MFSD12: variants seen among roughly 807,000 people sequenced by gnomAD.
MFSD12 encodes major facilitator superfamily domain containing 12.
A neutral mutation model predicts 51.2 loss-of-function variants in MFSD12; 67 were observed. The ratio of observed to expected loss-of-function variants is 1.31; its 90% confidence interval spans 1.08 to 1.60. The LOEUF (loss-of-function observed/expected upper bound fraction) is 1.60. Among genes scored for constraint, MFSD12 ranks in the 40% most tolerant of loss-of-function variants. The pLI, the probability that MFSD12 is intolerant of heterozygous loss-of-function variation, is 0.00. For missense variants in MFSD12, 921 were observed against 673.0 expected (o/e 1.37, Z -4.08); for synonymous variants, 441 against 316.7 (o/e 1.39, Z -4.17).
intron 1 of MFSD12, among the ~76,000 whole-genome samples, chr19:3,555,199 C>T (rs889944927): frequency 8.5e-5 from 13 of 152,164 alleles, no homozygotes; most frequent in South Asian, 4.1e-4. Context: ...GCCTCTGCCT[C>T]CCGGGTTCAA....
chr19:3,543,665 C>A (rs754300947), downstream of MFSD12: 23 of 1,540,322 alleles, frequency 1.5e-5, no homozygotes, highest in Middle Eastern at 6.5e-4. Context: ...CAGGCCAATC[C>A]GGGGCAAGGA....
chr19:3,551,705 C>T lies in MFSD12; in HGVS notation c.299-511G>A, dbSNP rs559659708. Among the ~76,000 whole-genome samples the T allele has an allele frequency of 7.2e-5, 11 of 152,274 alleles. No individual in the cohort carries two copies. The highest frequency in any genetic ancestry group is 2.6e-4 in the African/African-American group (11 of 41,558). On this transcript the variant is annotated intron_variant, in intron 1 of 9. Coordinates refer to ENST00000355415, the MANE Select transcript of MFSD12 (RefSeq NM_174983.5). The surrounding 1 kb of genome is among the most constrained non-coding windows in gnomAD (Gnocchi z 4.6). The stretch of plus-strand genomic sequence containing the variant: ...CCACCTGAGATCTGCGGTGGCAAGG[C>T]CTGGCTCTTCACATCCTCAGAAGAA...
At chr19:3,543,888 T>G (rs1187479337), downstream of MFSD12, 2 of 1,550,524 alleles carry the variant, frequency 1.3e-6, no homozygotes, top group Non-Finnish European at 1.7e-6. Flanking sequence ...CTACGTGCCC[T>G]CCCTGTCGGC....
chr19:3,546,069 C>T lies in MFSD12; in HGVS notation c.1289+5G>A. On this transcript the variant is annotated splice_donor_5th_base_variant and intron_variant, in intron 8 of 9. Coordinates refer to ENST00000355415, the MANE Select transcript of MFSD12 (RefSeq NM_174983.5). ...AAGAATGAATGAACGAACAGCGGCA[C>T]TCACGGGCAAGGGTGCAGGCTCTGG... 4 of 1,613,162 alleles carry T rather than the reference C, an allele frequency of 2.5e-6. No individual in the cohort carries two copies. The highest frequency in any genetic ancestry group is 3.4e-6 in the Non-Finnish European group (4 of 1,179,782).
In MFSD12 at chr19:3,557,130, G is replaced by C. The variant is rs2145231105; in HGVS notation, c.274C>G (p.Pro92Ala). 6.6e-7 allele frequency: 1 copy of C among 1,504,594 alleles called. No individual in the cohort carries two copies. The highest frequency in any genetic ancestry group is 2.3e-4 in the Middle Eastern group (1 of 4,438). The allele number at this position is 1,504,594 out of a possible 1,614,324, so 93.2% of individuals were successfully genotyped here. Residue 92 changes from proline (P) to alanine (A), a missense_variant, in exon 1 of 10, where the codon CCG becomes GCG. By Grantham distance (27) the Pro-to-Ala change is conservative (BLOSUM62 -1). Transcript: ENST00000355415. ...CCGACCAGGTGCCAGGCCTTGCGCG[G>C]GCCGTAGCGGGCGCAGCAGCTGGCG... ...RAASCCARYG[P>A]RKAWHLVGTV...
rs1450587437 is a variant in MFSD12 at position 3,544,295 on chromosome 19, C to G, written c.*415G>C. 10 of 1,284,346 alleles carry G rather than the reference C, an allele frequency of 7.8e-6. No individual in the cohort carries two copies. In the East Asian group the frequency reaches 2.1e-4, roughly 28 times the overall value. The allele number at this position is 1,284,346 out of a possible 1,614,324, so 79.6% of individuals were successfully genotyped here. A position where few individuals can be genotyped will look rare whatever the true frequency, so the allele number is the denominator to read the frequency against. ...TGGGGTCCAGGCCCAGCCCACCACC[C>G]CGTGGCTGTCTCCTCCAGGCTCCAG... On this transcript the variant is annotated 3_prime_UTR_variant, in exon 10 of 10. Coordinates refer to ENST00000355415, the MANE Select transcript of MFSD12 (RefSeq NM_174983.5).
In MFSD12 at chr19:3,544,469, A is replaced by C; in HGVS notation, c.*241T>G. The C allele has an allele frequency of 1.5e-6, 2 of 1,357,130 alleles. No individual in the cohort carries two copies. Among genetic ancestry groups the C allele is most frequent in the East Asian group, 5.4e-5 (2 of 37,164 alleles). 84.1% of individuals were successfully genotyped at this position (1,357,130 alleles called of 1,614,324 possible). A position where few individuals can be genotyped will look rare whatever the true frequency, so the allele number is the denominator to read the frequency against. ...CCGAGAGGGGCACCCCAAATCCTCC[A>C]GAGGGCTGGGATGGATTAGAGTTGA... On this transcript the variant is annotated 3_prime_UTR_variant, in exon 10 of 10. Transcript: ENST00000355415.
exon 5 of MFSD12, chr19:3,538,730 T>C (rs749731953): frequency 2.1e-5 from 10 of 479,520 alleles, no homozygotes; most frequent in South Asian, 1.5e-4. Flanking sequence ...ATCGTGCTGC[T>C]GTGAGCCACT....
At chr19:3,553,518 C>T (rs949276840) in intron 1 of MFSD12, among the ~76,000 whole-genome samples, 5 of 151,328 alleles carry the variant, frequency 3.3e-5, no homozygotes, top group African/African-American at 9.7e-5. Context: ...CCTGTAATCC[C>T]AGCACTTTGG....
intron 1 of MFSD12, among the ~76,000 whole-genome samples, chr19:3,554,649 G>A (rs751797484): frequency 4.9e-4 from 74 of 152,082 alleles, no homozygotes; most frequent in Non-Finnish European, 3.2e-4. Context: ...CTACCCATCC[G>A]TCAAAACCTC....
intron 1 of MFSD12, among the ~76,000 whole-genome samples, chr19:3,552,831 G>A (rs1599839382): frequency 6.6e-6 from 1 of 152,158 alleles, no homozygotes; most frequent in African/African-American, 2.4e-5. Context: ...CCCTGACACA[G>A]CCTGTAAGCG....
Position 3,547,346 on chromosome 19 carries a change from G to C in MFSD12, c.949C>G (p.Pro317Ala), listed in dbSNP as rs757803533. 3 of 1,613,210 alleles carry C rather than the reference G, an allele frequency of 1.9e-6. No homozygotes were observed. The highest frequency in any genetic ancestry group is 2.5e-6 in the Non-Finnish European group (3 of 1,179,978). ...HLPKKFIATI[P>A]LVMYLSGFLS... ...AAGCCGCTGAGGTACATCACCAGGG[G>C]AATGGTCGCGATGAACTTCTGCGGA... Residue 317 changes from proline (P) to alanine (A), a missense_variant, in exon 6 of 10, where the codon CCC becomes GCC. Transcript: ENST00000355415.
chr19:3,551,240 C>T lies in MFSD12; in HGVS notation c.299-46G>A. 2 of 1,451,458 alleles carry T rather than the reference C, an allele frequency of 1.4e-6. No individual in the cohort carries two copies. The highest frequency in any genetic ancestry group is 1.9e-6 in the Non-Finnish European group (2 of 1,074,082). 89.9% of individuals were successfully genotyped at this position (1,451,458 alleles called of 1,614,324 possible). ...AGTCGCGGGGCTGTCCCGCACCAGC[C>T]AGGGCTCCCAGGGTGAGGACATGGA... On this transcript the variant is annotated intron_variant, in intron 1 of 9. Transcript: ENST00000355415. The surrounding 1 kb of genome is among the most constrained non-coding windows in gnomAD (Gnocchi z 4.6).
chr19:3,546,340 G>C lies in MFSD12; in HGVS notation c.1109C>G (p.Ala370Gly). Residue 370 changes from alanine (A) to glycine (G), a missense_variant, in exon 7 of 10, where the codon GCA becomes GGA. Ala to Gly is a moderately conservative substitution (Grantham distance 60, BLOSUM62 0). Coordinates refer to ENST00000355415, the MANE Select transcript of MFSD12 (RefSeq NM_174983.5). ...LAEGLGVAVY[A>G]AAVLLGAGCA... The stretch of plus-strand genomic sequence containing the variant: ...GCCAGCACCCAGCAGCACAGCCGCT[G>C]CGTACACGGCCACACCCAGTCCCTC... 6.2e-7 allele frequency: 1 copy of C among 1,608,122 alleles called. No homozygotes were observed.
intron 3 of MFSD12, 41 bp downstream of exon 3, chr19:3,548,082 G>A (rs772996574): frequency 1.2e-6 from 2 of 1,602,164 alleles, no homozygotes; most frequent in African/African-American, 1.3e-5. Flanking sequence ...CCCCGCCCCT[G>A]GCTCGAGGAC....
chr19:3,542,880 G>A, downstream of MFSD12: 1 of 1,400,394 alleles, frequency 7.1e-7, no homozygotes, highest in Non-Finnish European at 9.6e-7. Context: ...CCCAGAGGAA[G>A]GGACTTGTGG....
At chr19:3,544,778 T>C (rs371360921) in intron 9 of MFSD12, 31 bp downstream of exon 9, 7 of 1,525,696 alleles carry the variant, frequency 4.6e-6, no homozygotes, top group Non-Finnish European at 6.3e-6. Context: ...TGGGTCAGTG[T>C]CTGGGGAGGG....
chr19:3,538,647 C>CGTGTGGGT (rs2030093808), exon 5 of MFSD12: 4 of 311,776 alleles, frequency 1.3e-5, no homozygotes, highest in South Asian at 4.5e-5. Flanking sequence ...CTCGTTCCAG[C>CGTGTGGGT]ACGGTGGCGG....
At chr19:3,543,455 G>A (rs1229847677), downstream of MFSD12, 1 of 1,543,414 alleles carries the variant, frequency 6.5e-7, no homozygotes. Flanking sequence ...CCAACACCGT[G>A]AGTGCAGCAT....
Sources: allele counts gnomAD v4.1 joint callset (sites outside exome capture counted in the v4.1 genomes callset), GRCh38; gene constraint gnomAD v4.1.1; non-coding constraint Gnocchi (gnomAD v3.1); transcripts MANE v1.5; gene names NCBI Gene and HGNC (gene_info 2026-07-23, HGNC 2026-07-21).